The following TMPRSS12 variants were observed in gnomAD, a reference collection of about 807,000 sequenced individuals.
The protein encoded by TMPRSS12 is transmembrane serine protease 12, also known as transmembrane protease serine 12.
Under a neutral mutation model 26.0 loss-of-function variants are expected in TMPRSS12, and 25 were observed. That is an observed-to-expected ratio of 0.96 (90% CI 0.70 to 1.34). TMPRSS12 has a LOEUF of 1.34. Among genes scored for constraint, TMPRSS12 ranks in the 40% most tolerant of loss-of-function variants. The pLI is 0.00. For missense variants in TMPRSS12, 441 were observed against 440.1 expected, an observed-to-expected ratio of 1.00 and a Z score of -0.02; for synonymous variants, 150 against 161.7, an observed-to-expected ratio of 0.93 and a Z score of 0.55.
At chr12:50,865,866 C>T (rs1460704676) in intron 3 of TMPRSS12, among the ~76,000 whole-genome samples, 2 of 152,090 alleles carry the variant, frequency 1.3e-5, no homozygotes, top group Non-Finnish European at 2.9e-5. Context: ...TGCCTTCTGC[C>T]ATGATTGTAG....
chr12:50,887,233 C>A, intron 4 of TMPRSS12, 29 bp from the exon 5 acceptor site: 2 of 1,603,300 alleles, frequency 1.2e-6, no homozygotes, highest in Non-Finnish European at 1.7e-6. Context: ...CTAGAAGTAA[C>A]AAACACTATT....
chr12:50,868,680 C>G (rs989379567), intron 3 of TMPRSS12, among the ~76,000 whole-genome samples: 1 of 152,124 alleles, frequency 6.6e-6, no homozygotes, highest in Non-Finnish European at 1.5e-5. Flanking sequence ...TTGCATCTAA[C>G]AACTGCAGAA....
At chr12:50,871,636 C>G (rs1264129275) in intron 3 of TMPRSS12, among the ~76,000 whole-genome samples, 1 of 152,132 alleles carries the variant, frequency 6.6e-6, no homozygotes, top group East Asian at 1.9e-4. Context: ...AAGGAACAGT[C>G]AGCAGAGTAA....
intron 3 of TMPRSS12, among the ~76,000 whole-genome samples, chr12:50,876,142 T>C (rs1046176218): frequency 6.6e-6 from 1 of 151,870 alleles, no homozygotes; most frequent in African/African-American, 2.4e-5. Context: ...CAACAACACA[T>C]GAAAAAATGT....
intron 3 of TMPRSS12, among the ~76,000 whole-genome samples, chr12:50,873,438 A>G (rs553645443): frequency 6.6e-6 from 1 of 152,356 alleles, no homozygotes; most frequent in East Asian, 1.9e-4. Flanking sequence ...CAGCAAAACT[A>G]TCATTCAATA....
chr12:50,846,148 A>G (rs2139718442), intron 2 of TMPRSS12, among the ~76,000 whole-genome samples: 1 of 152,262 alleles, frequency 6.6e-6, no homozygotes, highest in East Asian at 1.9e-4. Context: ...GATGAAGTCA[A>G]ATTTATCTAT....
At chr12:50,881,635 G>T (rs1938164019) in intron 3 of TMPRSS12, among the ~76,000 whole-genome samples, 1 of 151,982 alleles carries the variant, frequency 6.6e-6, no homozygotes, top group Non-Finnish European at 1.5e-5. Flanking sequence ...GAGAGCTGCA[G>T]ATAGAGGTAA....
intron 1 of TMPRSS12, 31 bp downstream of exon 1, chr12:50,843,182 G>C (rs1261399893): frequency 6.6e-7 from 1 of 1,520,378 alleles, no homozygotes; most frequent in South Asian, 1.2e-5. Flanking sequence ...TCTCTGGGGA[G>C]CCTCTCTTAC....
chr12:50,861,750 C>T (rs1229875169), intron 3 of TMPRSS12, among the ~76,000 whole-genome samples: 3 of 151,316 alleles, frequency 2.0e-5, no homozygotes, highest in Non-Finnish European at 2.9e-5. Flanking sequence ...ACGATGAAGT[C>T]AGAATTCAAG....
chr12:50,847,315 C>T (rs979401772), intron 2 of TMPRSS12, among the ~76,000 whole-genome samples: 1 of 152,032 alleles, frequency 6.6e-6, no homozygotes, highest in African/African-American at 2.4e-5. Flanking sequence ...TCTCGGCCTC[C>T]CAAAGTGCTG....
chr12:50,843,891 AG>A lies in TMPRSS12; in HGVS notation c.242del (p.Gly81AlafsTer13). On this transcript the variant is annotated frameshift_variant, in exon 2 of 5. Transcript: ENST00000398458. LOFTEE classifies it high-confidence loss of function. ...KDVLQGSRII[G>X]GTEAQAGAWP... ...ATGTGTTGCAAGGGTCTCGGATTAT[AG>A]GGGGCACCGAAGCACAAGCTGGCGC... 1 of 1,570,930 alleles carries A rather than the reference AG, an allele frequency of 6.4e-7. No individual in the cohort carries two copies. The highest frequency in any genetic ancestry group is 8.6e-7 in the Non-Finnish European group (1 of 1,157,634).
At chr12:50,871,826 T>C (rs1213814943) in intron 3 of TMPRSS12, among the ~76,000 whole-genome samples, 1 of 151,488 alleles carries the variant, frequency 6.6e-6, no homozygotes, top group African/African-American at 2.4e-5. Context: ...CCAACAAACA[T>C]ATGAAAAAAT....
intron 3 of TMPRSS12, among the ~76,000 whole-genome samples, chr12:50,859,817 T>C (rs1399062584): frequency 6.6e-6 from 1 of 152,228 alleles, no homozygotes; most frequent in Non-Finnish European, 1.5e-5. Context: ...TTTATGTAAG[T>C]GCACTCTTAT....
chr12:50,878,842 A>C (rs1938137878), intron 3 of TMPRSS12, among the ~76,000 whole-genome samples: 1 of 152,216 alleles, frequency 6.6e-6, no homozygotes, highest in Non-Finnish European at 1.5e-5. Context: ...TCATATGTTG[A>C]AATCCTCACT....
chr12:50,859,219 C>CT (rs34544871), intron 3 of TMPRSS12, among the ~76,000 whole-genome samples, 166 bp downstream of exon 3: 3,358 of 144,826 alleles, frequency 0.023, 82 homozygotes, highest in African/African-American at 0.058. Context: ...TTTATGGTAC[C>CT]TTTTTTTTTT....
At chr12:50,862,662 A>G (rs1484868017) in intron 3 of TMPRSS12, among the ~76,000 whole-genome samples, 1 of 152,010 alleles carries the variant, frequency 6.6e-6, no homozygotes, top group Non-Finnish European at 1.5e-5. Context: ...AGTAGCTGGG[A>G]TTACAGAGGT....
At chr12:50,881,566 CATA>C (rs760220240) in intron 3 of TMPRSS12, among the ~76,000 whole-genome samples, 5 of 151,988 alleles carry the variant, frequency 3.3e-5, no homozygotes, top group East Asian at 3.8e-4. Flanking sequence ...AAGAGGAAAT[CATA>C]ATAATTTTAA....
At chr12:50,872,930 G>GTATATATGTAGATATATATGACGTA (rs1938079894) in intron 3 of TMPRSS12, among the ~76,000 whole-genome samples, 1 of 64,116 alleles carries the variant, frequency 1.6e-5, no homozygotes, top group Admixed American at 1.5e-4. Flanking sequence ...CATATATGAT[G>GTATATATGTAGATATATATGACGTA]TATATATGTA....
intron 3 of TMPRSS12, among the ~76,000 whole-genome samples, chr12:50,860,618 G>T (rs1009512235): frequency 2.6e-5 from 4 of 151,254 alleles, no homozygotes; most frequent in Non-Finnish European, 5.9e-5. Flanking sequence ...TGTATGTTTT[G>T]GTTTTTTAAG....
Sources: allele counts gnomAD v4.1 joint callset (sites outside exome capture counted in the v4.1 genomes callset), GRCh38; gene constraint gnomAD v4.1.1; transcripts MANE v1.5; gene names NCBI Gene and HGNC (gene_info 2026-07-23, HGNC 2026-07-21).